RMST: variants seen among roughly 807,000 people sequenced by gnomAD.
The protein encoded by RMST is long intergenic non-protein coding RNA 54.
intron 9 of RMST, among the ~76,000 whole-genome samples, chr12:97,495,176 T>TG (rs112974508): frequency 0.48 from 69,765 of 146,442 alleles, 16,998 homozygotes; most frequent in Middle Eastern, 0.62. Context: ...ATTATTCTTA[T>TG]GGGGGGGGAG....
intron 10 of RMST, among the ~76,000 whole-genome samples, chr12:97,510,601 T>G (rs568889326): frequency 6.6e-6 from 1 of 152,342 alleles, no homozygotes; most frequent in East Asian, 1.9e-4. Context: ...GTTATTCTAT[T>G]TGAAAGGAAT....
intron 5 of RMST, among the ~76,000 whole-genome samples, chr12:97,474,231 C>T (rs1874257501): frequency 6.6e-6 from 1 of 152,066 alleles, no homozygotes; most frequent in Non-Finnish European, 1.5e-5. Flanking sequence ...AAGACCCACT[C>T]CTGGATGCGG....
chr12:97,494,257 T>C (rs1350324973), intron 8 of RMST, among the ~76,000 whole-genome samples: 1 of 152,220 alleles, frequency 6.6e-6, no homozygotes, highest in Non-Finnish European at 1.5e-5. Flanking sequence ...ATTTTTATAA[T>C]GAATTTGAGC....
At chr12:97,561,842 T>C (rs1884135322) in intron 13 of RMST, among the ~76,000 whole-genome samples, 1 of 152,106 alleles carries the variant, frequency 6.6e-6, no homozygotes, top group Non-Finnish European at 1.5e-5. Flanking sequence ...AGATTCTCCC[T>C]GAAATGTGTG....
At chr12:97,496,581 T>A (rs956447805) in intron 10 of RMST, among the ~76,000 whole-genome samples, 2 of 152,208 alleles carry the variant, frequency 1.3e-5, no homozygotes. Flanking sequence ...TTATGTATTT[T>A]GTGAAGCTCA....
intron 10 of RMST, among the ~76,000 whole-genome samples, chr12:97,511,781 G>A (rs1054869076): frequency 6.6e-6 from 1 of 152,146 alleles, no homozygotes; most frequent in East Asian, 1.9e-4. Context: ...AAACTAGGGG[G>A]TATGAAAATG....
chr12:97,544,451 T>C (rs1264625753), intron 11 of RMST, among the ~76,000 whole-genome samples: 1 of 151,968 alleles, frequency 6.6e-6, no homozygotes, highest in African/African-American at 2.4e-5. Flanking sequence ...TAAAAACTGG[T>C]GAAAATCAAC....
intron 10 of RMST, among the ~76,000 whole-genome samples, chr12:97,527,841 T>C (rs779674487): frequency 1.6e-4 from 24 of 152,074 alleles, no homozygotes; most frequent in Non-Finnish European, 3.1e-4. Context: ...GAATACTGAG[T>C]TTTCCTGTTT....
intron 5 of RMST, among the ~76,000 whole-genome samples, chr12:97,466,544 T>G (rs1181500285): frequency 6.6e-6 from 1 of 152,136 alleles, no homozygotes; most frequent in Non-Finnish European, 1.5e-5. Context: ...TGCTGTTATT[T>G]CAAAGGATCT....
chr12:97,488,276 G>C (rs1046530530), intron 5 of RMST, among the ~76,000 whole-genome samples: 2 of 152,154 alleles, frequency 1.3e-5, no homozygotes, highest in African/African-American at 2.4e-5. Context: ...TACTCAGAAG[G>C]CTGAGGCAGA....
intron 10 of RMST, among the ~76,000 whole-genome samples, chr12:97,512,026 G>A (rs979197932): frequency 1.3e-5 from 2 of 152,174 alleles, no homozygotes; most frequent in African/African-American, 4.8e-5. Context: ...TCTTAAAGGT[G>A]GCGTGTCCAG....
intron 11 of RMST, among the ~76,000 whole-genome samples, chr12:97,543,827 G>A (rs1472765337): frequency 1.3e-5 from 2 of 151,900 alleles, no homozygotes; most frequent in Non-Finnish European, 2.9e-5. Flanking sequence ...TTAAAATGTG[G>A]CTTCTGGGGT....
intron 5 of RMST, among the ~76,000 whole-genome samples, chr12:97,481,609 G>A (rs1875292906): frequency 6.6e-6 from 1 of 152,130 alleles, no homozygotes; most frequent in African/African-American, 2.4e-5. Flanking sequence ...TCAGGAAGAA[G>A]AGTGAGGTTT....
chr12:97,521,955 T>C (rs947031691), intron 10 of RMST, among the ~76,000 whole-genome samples: 5 of 152,234 alleles, frequency 3.3e-5, no homozygotes, highest in African/African-American at 1.2e-4. Context: ...TAGTTTCTTA[T>C]CTCACATACT....
intron 11 of RMST, among the ~76,000 whole-genome samples, chr12:97,549,675 G>A (rs1384683188): frequency 1.3e-5 from 2 of 152,196 alleles, no homozygotes; most frequent in African/African-American, 4.8e-5. Flanking sequence ...ACTCAATGAG[G>A]CAGCACGGTT....
At chr12:97,466,202 G>A (rs577700145) in intron 5 of RMST, among the ~76,000 whole-genome samples, 25 of 152,212 alleles carry the variant, frequency 1.6e-4, no homozygotes, top group African/African-American at 6.0e-4. Context: ...GCTTTCTTTA[G>A]TAGAGCAGCA....
intron 5 of RMST, among the ~76,000 whole-genome samples, chr12:97,474,583 A>T (rs2136398418): frequency 6.6e-6 from 1 of 151,204 alleles, no homozygotes; most frequent in South Asian, 2.1e-4. Flanking sequence ...TACCTTTAAA[A>T]ATACACATTA....
intron 5 of RMST, among the ~76,000 whole-genome samples, chr12:97,469,075 A>C (rs958851413): frequency 5.9e-5 from 9 of 151,826 alleles, no homozygotes; most frequent in African/African-American, 2.2e-4. Flanking sequence ...CTTAAGATAT[A>C]TATATTCTAG....
At chr12:97,562,590 C>T (rs902797698) in intron 13 of RMST, among the ~76,000 whole-genome samples, 4 of 152,056 alleles carry the variant, frequency 2.6e-5, no homozygotes, top group Admixed American at 6.5e-5. Flanking sequence ...TAACCCTCAC[C>T]TAAAAACAAA....
Sources: allele counts gnomAD v4.1 joint callset (sites outside exome capture counted in the v4.1 genomes callset), GRCh38; gene constraint gnomAD v4.1.1; transcripts MANE v1.5; gene names NCBI Gene and HGNC (gene_info 2026-07-23, HGNC 2026-07-21).